The following PTPN4 variants were observed in gnomAD, a reference collection of about 807,000 sequenced individuals.
The protein encoded by PTPN4 is tyrosine-protein phosphatase non-receptor type 4.
In PTPN4, 49 loss-of-function variants were observed where a neutral mutation model predicts 135.5. That is an observed-to-expected ratio of 0.36 (90% CI 0.29 to 0.46). PTPN4 has a LOEUF of 0.46. Among genes scored for constraint, PTPN4 ranks in the 20% least tolerant of loss-of-function variants. The pLI is 1.00. For synonymous variants in PTPN4, 333 were observed against 369.9 expected (o/e 0.90, Z 1.14); for missense variants, 860 against 1,101.0 (o/e 0.78, Z 3.10).
At chr2:119,838,867 A>G (rs1677337538) in intron 2 of PTPN4, among the ~76,000 whole-genome samples, 1 of 152,188 alleles carries the variant, frequency 6.6e-6, no homozygotes, top group Non-Finnish European at 1.5e-5. Flanking sequence ...ATATGTATTG[A>G]TTGTTTTATT....
intron 1 of PTPN4, among the ~76,000 whole-genome samples, chr2:119,770,853 A>C (rs1262666249): frequency 6.7e-6 from 1 of 148,900 alleles, no homozygotes; most frequent in African/African-American, 2.5e-5. Context: ...GACCTGCCTG[A>C]CTTTTCTGTA....
chr2:119,881,751 T>C lies in PTPN4; in HGVS notation c.369-35T>C, dbSNP rs1052027944. The C allele has an allele frequency of 4.2e-6, 6 of 1,414,148 alleles. No homozygotes were observed. The African/African-American group carries it at 8.6e-5, about 20-fold the overall frequency. The allele number at this position is 1,414,148 out of a possible 1,614,324, so 87.6% of individuals were successfully genotyped here. A position where few individuals can be genotyped will look rare whatever the true frequency, so the allele number is the denominator to read the frequency against. On this transcript the variant is annotated intron_variant, in intron 5 of 26. Coordinates refer to ENST00000263708, the MANE Select transcript of PTPN4 (RefSeq NM_002830.4). ...TAGAATTGAAATTGTTACAATTCTA[T>C]TAAATGCTATCCTTTTTGTTTGTTT...
intron 6 of PTPN4, 38 bp downstream of exon 6, chr2:119,881,868 G>A (rs1250701786): frequency 7.0e-7 from 1 of 1,419,928 alleles, no homozygotes; most frequent in South Asian, 1.3e-5. Context: ...TTTTTGTAAT[G>A]GACTTTAAAA....
chr2:119,976,124 T>G (rs918206810), intron 26 of PTPN4, among the ~76,000 whole-genome samples: 3 of 151,492 alleles, frequency 2.0e-5, no homozygotes, highest in Non-Finnish European at 4.4e-5. Context: ...GCCTCCTGAG[T>G]AGCTGGGACT....
intron 15 of PTPN4, among the ~76,000 whole-genome samples, chr2:119,937,234 G>T (rs1285610868): frequency 6.6e-6 from 1 of 152,194 alleles, no homozygotes; most frequent in Non-Finnish European, 1.5e-5. Context: ...GGAATCCATA[G>T]ATTTCAGTTT....
chr2:119,834,545 A>G lies in PTPN4; in HGVS notation c.138+24554A>G, dbSNP rs554843862. ...GGAAGTTGGTATTTTAAAATAAGCTATACAAAGCAATTGTATATTGTTGGC... is the reference window on the plus strand; with the variant it reads ...GGAAGTTGGTATTTTAAAATAAGCTGTACAAAGCAATTGTATATTGTTGGC... On this transcript the variant is annotated intron_variant, in intron 2 of 26. Transcript: ENST00000263708. Among the ~76,000 whole-genome samples, 3 of 152,224 alleles carry G rather than the reference A, an allele frequency of 2.0e-5. No individual in the cohort carries two copies. In the East Asian group the frequency reaches 5.8e-4, roughly 29 times the overall value.
intron 2 of PTPN4, among the ~76,000 whole-genome samples, chr2:119,844,835 A>G (rs1677462266): frequency 6.8e-6 from 1 of 146,288 alleles, no homozygotes; most frequent in African/African-American, 2.6e-5. Flanking sequence ...GACACTCCTC[A>G]CTTCCCAGAC....
intron 1 of PTPN4, among the ~76,000 whole-genome samples, chr2:119,765,175 AGAT>A (rs1339118414): frequency 6.6e-6 from 1 of 152,314 alleles, no homozygotes; most frequent in East Asian, 1.9e-4. Flanking sequence ...TAAATACAAG[AGAT>A]GATCAGTCAG....
chr2:119,839,219 A>C (rs967277984), intron 2 of PTPN4, among the ~76,000 whole-genome samples: 3 of 152,112 alleles, frequency 2.0e-5, no homozygotes, highest in African/African-American at 7.2e-5. Context: ...TATGATACCC[A>C]TGGCAATACT....
intron 1 of PTPN4, chr2:119,791,142 T>G (rs916420138): frequency 3.3e-5 from 5 of 151,312 alleles, no homozygotes; most frequent in Non-Finnish European, 7.4e-5. Flanking sequence ...TTTTTTTTTT[T>G]TTTTTGAGAC....
At chr2:119,964,381 C>T (rs1179388620) in intron 24 of PTPN4, among the ~76,000 whole-genome samples, 4 of 152,206 alleles carry the variant, frequency 2.6e-5, no homozygotes, top group African/African-American at 9.7e-5. Context: ...CTCCGTTATA[C>T]CAACCTTGGC....
intron 2 of PTPN4, among the ~76,000 whole-genome samples, chr2:119,811,707 A>C (rs1170915824): frequency 6.6e-6 from 1 of 152,070 alleles, no homozygotes; most frequent in Non-Finnish European, 1.5e-5. Context: ...TTTAGTTTTC[A>C]TTTTAACTAT....
rs760289062 is a variant in PTPN4 at position 119,924,945 on chromosome 2, G to GA, written c.1002-1646dup. Among the ~76,000 whole-genome samples, 12 of 152,272 alleles carry GA rather than the reference G, an allele frequency of 7.9e-5. No individual in the cohort carries two copies. In the South Asian group the frequency reaches 2.1e-3, roughly 26 times the overall value. ...AAAAGGGTGGAAACATGGTTATGGA[G>GA]AAAAAAACAAGAAGAAGGGGTAATG... On this transcript the variant is annotated intron_variant, in intron 12 of 26. Coordinates refer to ENST00000263708, the MANE Select transcript of PTPN4 (RefSeq NM_002830.4).
chr2:119,896,040 C>T (rs558962472), intron 9 of PTPN4, among the ~76,000 whole-genome samples: 14 of 151,950 alleles, frequency 9.2e-5, no homozygotes, highest in African/African-American at 3.4e-4. Flanking sequence ...TCATTTTTTT[C>T]CTGCTCTTTT....
intron 1 of PTPN4, among the ~76,000 whole-genome samples, chr2:119,809,450 C>T (rs2104948027): frequency 6.6e-6 from 1 of 151,406 alleles, no homozygotes; most frequent in African/African-American, 2.4e-5. Flanking sequence ...ATAATTTTTC[C>T]TCCTGTTGTC....
At chr2:119,856,473 G>A (rs1415673156) in intron 2 of PTPN4, among the ~76,000 whole-genome samples, 2 of 152,224 alleles carry the variant, frequency 1.3e-5, no homozygotes, top group East Asian at 3.9e-4. Context: ...AGTTAAAAGT[G>A]CCCCCATACT....
intron 1 of PTPN4, among the ~76,000 whole-genome samples, chr2:119,762,283 G>A (rs1690521812): frequency 6.6e-6 from 1 of 151,568 alleles, no homozygotes; most frequent in African/African-American, 2.4e-5. Context: ...TAAAAAAAAA[G>A]TATAATAAAG....
chr2:119,938,124 A>ATTTTTTTTT (rs370292419), intron 15 of PTPN4, among the ~76,000 whole-genome samples: 1 of 117,782 alleles, frequency 8.5e-6, no homozygotes, highest in African/African-American at 3.2e-5. Context: ...ATGTGGGATA[A>ATTTTTTTTT]TTTTTTTTTT....
At chr2:119,897,182 C>T (rs1163336236) in intron 9 of PTPN4, among the ~76,000 whole-genome samples, 4 of 152,172 alleles carry the variant, frequency 2.6e-5, no homozygotes, top group South Asian at 4.1e-4. Context: ...ATCCACCTGC[C>T]TCAGCTTCCC....
Sources: allele counts gnomAD v4.1 joint callset (sites outside exome capture counted in the v4.1 genomes callset), GRCh38; gene constraint gnomAD v4.1.1; transcripts MANE v1.5; gene names NCBI Gene and HGNC (gene_info 2026-07-23, HGNC 2026-07-21).